Variants in C3AR1 observed in about 807,000 individuals in gnomAD.
C3AR1 encodes C3a anaphylatoxin chemotactic receptor.
For synonymous variants in C3AR1, 208 were observed against 225.3 expected (o/e 0.92, Z 0.69); for missense variants, 579 against 583.5 (o/e 0.99, Z 0.08).
intron 1 of C3AR1, among the ~76,000 whole-genome samples, chr12:8,061,242 A>C (rs1947270397): frequency 6.6e-6 from 1 of 152,252 alleles, no homozygotes. Flanking sequence ...AAAAATATGC[A>C]TGAAGAAAAT....
At position 8,058,382 on chromosome 12, in the gene C3AR1, A is replaced by C. The variant is rs1380552602; in HGVS notation, c.*355T>G. On this transcript the variant is annotated 3_prime_UTR_variant, in exon 2 of 2. Coordinates refer to ENST00000307637, the MANE Select transcript of C3AR1 (RefSeq NM_004054.4). ...CGACAAATATTCAACATCATTTAAAAACAAAGTAGCTTCTCTTATTTCACA... is the reference window on the plus strand; with the variant it reads ...CGACAAATATTCAACATCATTTAAACACAAAGTAGCTTCTCTTATTTCACA... The C allele has an allele frequency of 5.4e-6, 1 of 183,964 alleles. No homozygotes were observed. The highest frequency in any genetic ancestry group is 5.7e-5 in the Admixed American group (1 of 17,452). 11.4% of individuals were successfully genotyped at this position (183,964 alleles called of 1,614,324 possible).
At chr12:8,064,689 C>CAAAAAAAAAAA (rs59800369) in intron 1 of C3AR1, among the ~76,000 whole-genome samples, 14 of 129,446 alleles carry the variant, frequency 1.1e-4, no homozygotes, top group African/African-American at 1.5e-4. Context: ...AACTCCATCT[C>CAAAAAAAAAAA]AAAAAAAAAA....
chr12:8,059,958 G>A lies in C3AR1; in HGVS notation c.228C>T (p.Pro76=). ...LADLLCCLSL[P]FSLAHLALQG... Reference sequence around the variant, plus strand: ...GGAGAGCCAAGTGAGCCAGCGAGAAGGGCAAGGAGAGGCAGCAGAGGAGGT... The same window carrying A: ...GGAGAGCCAAGTGAGCCAGCGAGAAAGGCAAGGAGAGGCAGCAGAGGAGGT... The change falls in exon 2 of 2, where the codon CCC becomes CCT. Residue 76 remains proline, a synonymous_variant. Coordinates refer to ENST00000307637, the MANE Select transcript of C3AR1 (RefSeq NM_004054.4). The A allele has an allele frequency of 1.1e-5, 17 of 1,614,154 alleles. No individual in the cohort carries two copies. The highest frequency in any genetic ancestry group is 1.2e-5 in the Non-Finnish European group (14 of 1,180,036).
intron 1 of C3AR1, among the ~76,000 whole-genome samples, chr12:8,062,423 C>T (rs1054697520): frequency 2.6e-5 from 4 of 152,136 alleles, no homozygotes; most frequent in African/African-American, 9.7e-5. Context: ...CCTCGGCCTC[C>T]CGAAGTGCTG....
At position 8,059,215 on chromosome 12, in the gene C3AR1, G is replaced by C. The variant is rs1359838935; in HGVS notation, c.971C>G (p.Thr324Arg). Residue 324 changes from threonine to arginine, a missense_variant, in exon 2 of 2, where the codon ACA (threonine) becomes AGA (arginine). Physicochemically the swap from Thr to Arg is moderately conservative, Grantham distance 71. Transcript: ENST00000307637. Reference sequence around the variant, plus strand: ...GGGTGTTGGCACTTGATCGTCATCTGTGAATTGGCCTAAATTGTAATAATC... The same window carrying C: ...GGGTGTTGGCACTTGATCGTCATCTCTGAATTGGCCTAAATTGTAATAATC... ...FQDYYNLGQFTDDDQVPTPLV... is the reference protein window; with the variant it reads ...FQDYYNLGQFRDDDQVPTPLV... 1 of 1,614,082 alleles carries C rather than the reference G, an allele frequency of 6.2e-7. No homozygotes were observed. The highest frequency in any genetic ancestry group is 1.3e-5 in the African/African-American group (1 of 74,938).
Position 8,059,371 on chromosome 12 carries a change from C to T in C3AR1, c.815G>A (p.Gly272Glu). 5.0e-6 allele frequency: 8 copies of T among 1,614,102 alleles called. No individual in the cohort carries two copies. Among genetic ancestry groups the T allele is most frequent in the Non-Finnish European group, 6.8e-6 (8 of 1,180,030 alleles). Residue 272 changes from glycine to glutamate, a missense_variant, in exon 2 of 2, where the codon GGG becomes GAG. Gly to Glu is a moderately conservative substitution (Grantham distance 98). Transcript: ENST00000307637. ...GGTTTCGTGATCTTCAATAGGAAAC[C>T]CACTGGGGATTTTAGGTGAGACCAC... is the stretch of plus-strand genomic sequence containing the variant. ...ADVVSPKIPSGFPIEDHETSP... is the reference protein window; with the variant it reads ...ADVVSPKIPSEFPIEDHETSP...
At chr12:8,063,535 ACTTCTATCTGGAATTATGCCCTTCACC>A (rs1238099394) in intron 1 of C3AR1, among the ~76,000 whole-genome samples, 3 of 152,074 alleles carry the variant, frequency 2.0e-5, no homozygotes, top group African/African-American at 7.2e-5. Flanking sequence ...AATGCTGTTT[ACTTCTATCTGGAATTATGCCCTTCACC>A]AAGTCTTCAG....
rs753950088 is a variant in C3AR1 at position 8,065,653 on chromosome 12, C to CAAA, written c.-11+622_-11+624dup. Among the ~76,000 whole-genome samples the CAAA allele has an allele frequency of 7.0e-3, 502 of 72,076 alleles. 21 individuals are homozygous for CAAA. Among genetic ancestry groups the CAAA allele is most frequent in the African/African-American group, 0.011 (236 of 20,658 alleles). 47.3% of individuals were successfully genotyped at this position (72,076 alleles called of 152,430 possible). ...TGGGCAACAGAGTGAGACTCTGTCT[C>CAAA]AAAAAAAAAAAAAAAAAAAAAAAGT... is the stretch of plus-strand genomic sequence containing the variant. On this transcript the variant is annotated intron_variant, in intron 1 of 1. Coordinates refer to ENST00000307637, the MANE Select transcript of C3AR1 (RefSeq NM_004054.4).
chr12:8,057,599 A>G lies in C3AR1; in HGVS notation c.*1138T>C, dbSNP rs1297033301. ...CTCATATTTCATTATATACCTTATT[A>G]AATTATTTTAAAACTATGTGCATGT... On this transcript the variant is annotated 3_prime_UTR_variant, in exon 2 of 2. Coordinates refer to ENST00000307637, the MANE Select transcript of C3AR1 (RefSeq NM_004054.4). 2.6e-5 allele frequency among the ~76,000 whole-genome samples: 4 copies of G among 152,210 alleles called. No homozygotes were observed. Among genetic ancestry groups the G allele is most frequent in the African/African-American group, 9.7e-5 (4 of 41,448 alleles).
chr12:8,059,674 C>T lies in C3AR1; in HGVS notation c.512G>A (p.Arg171Lys). 1.2e-6 allele frequency: 2 copies of T among 1,614,152 alleles called. No individual in the cohort carries two copies. Among genetic ancestry groups the T allele is most frequent in the Non-Finnish European group, 1.7e-6 (2 of 1,180,036 alleles). Residue 171 changes from arginine (R) to lysine (K), a missense_variant, in exon 2 of 2, where the codon AGA becomes AAA. Physicochemically the swap from Arg to Lys is conservative, Grantham distance 26. Transcript: ENST00000307637. The stretch of plus-strand genomic sequence containing the variant: ...GGAGAGACCAAATTTGTAGCCACAT[C>T]TATTATGGTTGTCTGTAGTGAAGAT... ...REIFTTDNHN[R>K]CGYKFGLSSS... is the part of the protein sequence containing the mutation.
At chr12:8,065,567 T>C (rs1471110038) in intron 1 of C3AR1, among the ~76,000 whole-genome samples, 1 of 146,874 alleles carries the variant, frequency 6.8e-6, no homozygotes, top group East Asian at 2.0e-4. Flanking sequence ...GGCAGGAGAA[T>C]CGCTTGAACC....
chr12:8,060,012 T>C lies in C3AR1; in HGVS notation c.174A>G (p.Thr58=). Reference sequence around the variant, plus strand: ...CCAAGGTGAGGTGGAGGAACCAAATTGTGTTCACTGTCCGCTGCATCTTCA... The same window carrying C: ...CCAAGGTGAGGTGGAGGAACCAAATCGTGTTCACTGTCCGCTGCATCTTCA... ...AGLKMQRTVN[T]IWFLHLTLAD... The change falls in exon 2 of 2, where the codon ACA becomes ACG. Residue 58 remains threonine (T), a synonymous_variant. Transcript: ENST00000307637. 1 of 1,613,796 alleles carries C rather than the reference T, an allele frequency of 6.2e-7. No individual in the cohort carries two copies. Among genetic ancestry groups the C allele is most frequent in the East Asian group, 2.2e-5 (1 of 44,866 alleles).
chr12:8,064,776 C>T (rs1947313225), intron 1 of C3AR1, among the ~76,000 whole-genome samples: 1 of 151,988 alleles, frequency 6.6e-6, no homozygotes, highest in African/African-American at 2.4e-5. Flanking sequence ...CACGGTACCC[C>T]CCTAAAATAT....
At position 8,058,872 on chromosome 12, in the gene C3AR1, C is replaced by G; in HGVS notation, c.1314G>C (p.Leu438Phe). 1 of 1,614,176 alleles carries G rather than the reference C, an allele frequency of 6.2e-7. No homozygotes were observed. The highest frequency in any genetic ancestry group is 8.5e-7 in the Non-Finnish European group (1 of 1,180,028). The change falls in exon 2 of 2, where the codon TTG becomes TTC. Residue 438 changes from leucine (L) to phenylalanine (F), a missense_variant. By Grantham distance (22) the Leu-to-Phe change is conservative. Coordinates refer to ENST00000307637, the MANE Select transcript of C3AR1 (RefSeq NM_004054.4). ...TTGCTTTCTTCCTAAAATCTTTCCC[C>G]AAGAGGGCATAAAGGAAGGGATTAA... ...SCFNPFLYALLGKDFRKKARQ... is the reference protein window; with the variant it reads ...SCFNPFLYALFGKDFRKKARQ...
chr12:8,058,628 ATTCT>A lies in C3AR1; in HGVS notation c.*105_*108del. On this transcript the variant is annotated 3_prime_UTR_variant, in exon 2 of 2. Coordinates refer to ENST00000307637, the MANE Select transcript of C3AR1 (RefSeq NM_004054.4). Reference sequence around the variant, plus strand: ...GTACCGTTTGAGAACCGCTGGATTGATTCTTTGACAGTTTTTGAAGTCCGCTGCT... The same window carrying A: ...GTACCGTTTGAGAACCGCTGGATTGATTGACAGTTTTTGAAGTCCGCTGCT... 8.1e-7 allele frequency: 1 copy of A among 1,227,450 alleles called. No homozygotes were observed. The highest frequency in any genetic ancestry group is 1.1e-6 in the Non-Finnish European group (1 of 874,100). 76.0% of individuals were successfully genotyped at this position (1,227,450 alleles called of 1,614,324 possible).
chr12:8,061,453 AT>A (rs1947272774), intron 1 of C3AR1, among the ~76,000 whole-genome samples: 2 of 150,980 alleles, frequency 1.3e-5, no homozygotes, highest in South Asian at 2.1e-4. Context: ...TCATTTATTT[AT>A]TTATTATTAT....
rs775907254 is a variant in C3AR1 at position 8,059,186 on chromosome 12, CGAG to C, written c.997_999del (p.Leu333del). On this transcript the variant is annotated inframe_deletion, in exon 2 of 2. Coordinates refer to ENST00000307637, the MANE Select transcript of C3AR1 (RefSeq NM_004054.4). ...ACTAGCCTAGTGATCGTTATTGCCA[CGAG>C]GGGTGTTGGCACTTGATCGTCATCT... 1 of 1,614,108 alleles carries C rather than the reference CGAG, an allele frequency of 6.2e-7. No individual in the cohort carries two copies. The highest frequency in any genetic ancestry group is 1.1e-5 in the South Asian group (1 of 91,082).
At position 8,058,591 on chromosome 12, in the gene C3AR1, T is replaced by C. The variant is rs7842; in HGVS notation, c.*146A>G. 255,889 of 848,390 alleles carry C rather than the reference T, an allele frequency of 0.3. 39,505 individuals carry two copies. The highest frequency in any genetic ancestry group is 0.35 in the African/African-American group (20,932 of 58,990). The allele number at this position is 848,390 out of a possible 1,614,324, so 52.6% of individuals were successfully genotyped here. ...AACAAGTTTCTAGGTGATGCTGATGTCAATAGTCTGTGTACCGTTTGAGAA... is the reference window on the plus strand; with the variant it reads ...AACAAGTTTCTAGGTGATGCTGATGCCAATAGTCTGTGTACCGTTTGAGAA... On this transcript the variant is annotated 3_prime_UTR_variant, in exon 2 of 2. Coordinates refer to ENST00000307637, the MANE Select transcript of C3AR1 (RefSeq NM_004054.4).
In C3AR1 at chr12:8,057,534, G is replaced by A. The variant is rs890705339; in HGVS notation, c.*1203C>T. 3.3e-5 allele frequency among the ~76,000 whole-genome samples: 5 copies of A among 152,184 alleles called. No homozygotes were observed. The highest frequency in any genetic ancestry group is 7.3e-5 in the Non-Finnish European group (5 of 68,036). ...CAAGGATTATCTCTGGGAAATGAGA[G>A]TGGGAGGAGGGAACTTTTGGGCACA... On this transcript the variant is annotated 3_prime_UTR_variant, in exon 2 of 2. Coordinates refer to ENST00000307637, the MANE Select transcript of C3AR1 (RefSeq NM_004054.4).
Sources: allele counts gnomAD v4.1 joint callset (sites outside exome capture counted in the v4.1 genomes callset), GRCh38; gene constraint gnomAD v4.1.1; transcripts MANE v1.5; gene names NCBI Gene and HGNC (gene_info 2026-07-23, HGNC 2026-07-21).